Variants in WLS observed in about 807,000 individuals in gnomAD.
WLS encodes protein wntless homolog.
A neutral mutation model predicts 62.8 loss-of-function variants in WLS; 23 were observed. That is an observed-to-expected ratio of 0.37 (90% CI 0.26 to 0.52). WLS has a LOEUF of 0.52. Ranked by LOEUF, WLS falls within the 20% of genes least tolerant of loss-of-function variation. WLS has a pLI of 0.92. For missense variants in WLS, 615 were observed against 697.3 expected (o/e 0.88, Z 1.33); for synonymous variants, 246 against 244.1 (o/e 1.01, Z -0.07).
intron 11 of WLS, among the ~76,000 whole-genome samples, chr1:68,115,106 A>T (rs1340524229): frequency 6.6e-6 from 1 of 152,000 alleles, no homozygotes; most frequent in Non-Finnish European, 1.5e-5. Flanking sequence ...ACCCCCCACC[A>T]CACCCGGTCA....
At chr1:68,152,536 T>TA (rs1043936845) in intron 5 of WLS, among the ~76,000 whole-genome samples, 2 of 150,652 alleles carry the variant, frequency 1.3e-5, no homozygotes, top group Non-Finnish European at 3.0e-5. Flanking sequence ...CTGGGATGAA[T>TA]AAAAAAAAAG....
At chr1:68,183,722 A>C (rs1647732167) in intron 2 of WLS, 1 of 215,372 alleles carries the variant, frequency 4.6e-6, no homozygotes, top group African/African-American at 2.3e-5. Flanking sequence ...ACATTCCATA[A>C]TAAATGGACA....
intron 2 of WLS, among the ~76,000 whole-genome samples, chr1:68,165,423 G>A (rs1201534017): frequency 6.6e-6 from 1 of 152,092 alleles, no homozygotes; most frequent in African/African-American, 2.4e-5. Context: ...ACCACGCTCC[G>A]AGATGTCAGA....
intron 2 of WLS, among the ~76,000 whole-genome samples, chr1:68,192,061 TAGCCG>T (rs1321972246): frequency 6.6e-6 from 1 of 152,178 alleles, no homozygotes; most frequent in African/African-American, 2.4e-5. Flanking sequence ...CATTTCCACT[TAGCCG>T]TAAGTTCCTT....
chr1:68,155,793 G>T (rs1646889150), intron 3 of WLS, among the ~76,000 whole-genome samples: 1 of 151,752 alleles, frequency 6.6e-6, no homozygotes, highest in Non-Finnish European at 1.5e-5. Flanking sequence ...TTATTCACTT[G>T]CCAGGAAAAA....
At chr1:68,149,855 A>G (rs1423607007) in intron 6 of WLS, among the ~76,000 whole-genome samples, 2 of 152,166 alleles carry the variant, frequency 1.3e-5, no homozygotes. Context: ...AATAATACTA[A>G]TCATTAGAAT....
At chr1:68,111,348 C>CA (rs1302118076) in intron 11 of WLS, among the ~76,000 whole-genome samples, 3 of 152,330 alleles carry the variant, frequency 2.0e-5, no homozygotes, top group East Asian at 3.9e-4. Flanking sequence ...AAGCTGGTGA[C>CA]AAGTGGTAAG....
At chr1:68,099,357 A>C (rs1464596806) in intron 11 of WLS, among the ~76,000 whole-genome samples, 2 of 152,216 alleles carry the variant, frequency 1.3e-5, no homozygotes, top group East Asian at 3.8e-4. Context: ...CTAGTATCTA[A>C]AACGCACACT....
chr1:68,126,195 A>G lies in WLS; in HGVS notation c.*31T>C, dbSNP rs1570836469. ...TCTAGTTAGAGGGGCTGGGGTATGG[A>G]GAGACCGTCCCAGCCGGGCGCTGCA... On this transcript the variant is annotated 3_prime_UTR_variant, in exon 12 of 12. Transcript: ENST00000262348. The G allele has an allele frequency of 6.2e-7, 1 of 1,612,994 alleles. No individual in the cohort carries two copies. Among genetic ancestry groups the G allele is most frequent in the East Asian group, 2.2e-5 (1 of 44,784 alleles).
At chr1:68,203,613 C>A (rs1256468457) in intron 1 of WLS, among the ~76,000 whole-genome samples, 2 of 152,178 alleles carry the variant, frequency 1.3e-5, no homozygotes, top group Admixed American at 1.3e-4. Flanking sequence ...CCAGTTTTTA[C>A]CGGGTCTTGG....
At chr1:68,113,651 G>A (rs904104307) in intron 11 of WLS, among the ~76,000 whole-genome samples, 1 of 152,178 alleles carries the variant, frequency 6.6e-6, no homozygotes, top group African/African-American at 2.4e-5. Flanking sequence ...AAGCCTCACT[G>A]TTCAAGTCTG....
intron 11 of WLS, among the ~76,000 whole-genome samples, chr1:68,118,133 C>T (rs1646317615): frequency 6.6e-6 from 1 of 152,014 alleles, no homozygotes; most frequent in African/African-American, 2.4e-5. Context: ...ACATCCAAAT[C>T]AAAATAAAAG....
chr1:68,150,953 T>A (rs1420244265), intron 5 of WLS, among the ~76,000 whole-genome samples: 1 of 152,192 alleles, frequency 6.6e-6, no homozygotes, highest in Non-Finnish European at 1.5e-5. Context: ...GAAACACATA[T>A]GTTAATTAAG....
intron 11 of WLS, among the ~76,000 whole-genome samples, chr1:68,118,125 A>C (rs1039020452): frequency 2.0e-5 from 3 of 152,204 alleles, no homozygotes; most frequent in African/African-American, 7.2e-5. Flanking sequence ...CCTGGTAAAC[A>C]TCCAAATCAA....
chr1:68,189,404 T>C (rs1429287284), intron 2 of WLS, among the ~76,000 whole-genome samples: 2 of 152,240 alleles, frequency 1.3e-5, no homozygotes, highest in African/African-American at 2.4e-5. Context: ...GTGAACAGTA[T>C]ATTTTTTCTT....
chr1:68,191,323 C>T (rs1005932221), intron 2 of WLS, among the ~76,000 whole-genome samples: 1 of 152,084 alleles, frequency 6.6e-6, no homozygotes, highest in Non-Finnish European at 1.5e-5. Context: ...CTATCTCATC[C>T]TCCCATGGCT....
At chr1:68,130,884 T>C (rs1272006043) in intron 11 of WLS, among the ~76,000 whole-genome samples, 1 of 128,474 alleles carries the variant, frequency 7.8e-6, no homozygotes, top group Non-Finnish European at 1.6e-5. Flanking sequence ...GGTAGGTTTC[T>C]TCTTCTTTTT....
intron 11 of WLS, among the ~76,000 whole-genome samples, chr1:68,136,984 AAG>A (rs1464243775): frequency 2.0e-5 from 3 of 152,210 alleles, no homozygotes; most frequent in Non-Finnish European, 4.4e-5. Context: ...CAGGTGTAAA[AAG>A]AGACAGAATG....
chr1:68,153,598 A>G lies in WLS; in HGVS notation c.722T>C (p.Leu241Pro). The G allele has an allele frequency of 6.2e-7, 1 of 1,614,232 alleles. No homozygotes were observed. Among genetic ancestry groups the G allele is most frequent in the South Asian group, 1.1e-5 (1 of 91,072 alleles). ...TKVWFAMKTF[L>P]TPSIFIIMVW... Reference sequence around the variant, plus strand: ...CATAATGATGAAGATGCTGGGCGTAAGGAAGGTCTTCATGGCAAACCACAC... The same window carrying G: ...CATAATGATGAAGATGCTGGGCGTAGGGAAGGTCTTCATGGCAAACCACAC... The change falls in exon 5 of 12, where the codon CTT becomes CCT. Residue 241 changes from leucine (L) to proline (P), a missense_variant. Leu to Pro is a moderately conservative substitution (Grantham distance 98). Transcript: ENST00000262348.
Sources: gnomAD v4.1 joint callset for allele counts (sites outside exome capture counted in the v4.1 genomes callset) on GRCh38, gnomAD v4.1.1 for gene constraint, MANE v1.5 for transcripts, NCBI Gene and HGNC (gene_info 2026-07-23, HGNC 2026-07-21) for gene names.